The following DSCAML1 variants were observed in gnomAD, a reference collection of about 807,000 sequenced individuals.
DSCAML1 encodes the protein cell adhesion molecule DSCAML1.
A neutral mutation model predicts 200.5 loss-of-function variants in DSCAML1; 38 were observed. That is an observed-to-expected ratio of 0.19 (90% CI 0.15 to 0.25). The LOEUF is 0.25. DSCAML1 is among the 10% of genes least tolerant of loss of function. The pLI is 1.00. For missense variants in DSCAML1, 2,223 were observed against 2,858.8 expected (o/e 0.78, Z 5.07); for synonymous variants, 1,215 against 1,165.0 (o/e 1.04, Z -0.87).
intron 3 of DSCAML1, among the ~76,000 whole-genome samples, chr11:117,633,399 C>A (rs532383850): frequency 6.6e-6 from 1 of 152,282 alleles, no homozygotes; most frequent in South Asian, 2.1e-4. Flanking sequence ...CTAAATCCAG[C>A]CTTTGCTCCC....
In DSCAML1 at chr11:117,437,941, G is replaced by A. The variant is rs1401423884; in HGVS notation, c.4386C>T (p.Gly1462=). The change falls in exon 25 of 33, where the codon GGC becomes GGT. Residue 1462 remains glycine, a synonymous_variant. Coordinates refer to ENST00000651296, the MANE Select transcript of DSCAML1 (RefSeq NM_020693.4). The surrounding 1 kb of genome is among the most constrained non-coding windows in gnomAD (Gnocchi z 5.3). The part of the protein sequence containing the change: ...KVKLAAKNSV[G]SGRISEIIEA... ...CGATGATCTCGCTGATGCGCCCAGA[G>A]CCCACGCTGTTCTTGGCTGCCAGCT... is the stretch of plus-strand genomic sequence containing the variant. 1 of 1,613,552 alleles carries A rather than the reference G, an allele frequency of 6.2e-7. No homozygotes were observed. Among genetic ancestry groups the A allele is most frequent in the Admixed American group, 1.7e-5 (1 of 60,010 alleles).
chr11:117,472,020 C>T lies in DSCAML1; in HGVS notation c.2802G>A (p.Lys934=), dbSNP rs1167583813. Residue 934 remains lysine (K), a synonymous_variant, in exon 15 of 33, where the codon AAG becomes AAA. Transcript: ENST00000651296. ...YKNKSDSWDF[K]QSTRNISPTI... ...TGGGGGAGATGTTGCGTGTGGACTG[C>T]TTGAAGTCCCAGGAATCTGGAGAGA... 7 of 1,614,020 alleles carry T rather than the reference C, an allele frequency of 4.3e-6. 1 individual carries two copies. In the South Asian group the frequency reaches 6.6e-5, roughly 15 times the overall value.
At chr11:117,696,839 A>G (rs1352907402) in intron 3 of DSCAML1, among the ~76,000 whole-genome samples, 1 of 152,098 alleles carries the variant, frequency 6.6e-6, no homozygotes, top group Non-Finnish European at 1.5e-5. Flanking sequence ...AACATGTTCA[A>G]TCCCTGCCCA....
At chr11:117,707,156 C>G (rs1030676344) in intron 3 of DSCAML1, among the ~76,000 whole-genome samples, 1 of 152,154 alleles carries the variant, frequency 6.6e-6, no homozygotes, top group Non-Finnish European at 1.5e-5. Context: ...GACATGAATG[C>G]CCTCAGCCCA....
chr11:117,739,262 G>A (rs2054378959), intron 3 of DSCAML1, among the ~76,000 whole-genome samples: 1 of 152,254 alleles, frequency 6.6e-6, no homozygotes, highest in Non-Finnish European at 1.5e-5. Context: ...GATTTCCTAG[G>A]ATGGTGGTTC....
intron 3 of DSCAML1, among the ~76,000 whole-genome samples, chr11:117,605,866 C>T (rs960576759): frequency 1.3e-5 from 2 of 152,118 alleles, no homozygotes; most frequent in African/African-American, 4.8e-5. Flanking sequence ...GTCACTTAAT[C>T]TCCCTGAGCC....
In DSCAML1 at chr11:117,469,870, C is replaced by G; in HGVS notation, c.3024+40G>C. ...CGTCCTGGATTGAGGAGAGAGGAGGCAAGCAGACATTCCAGGGGAGATGCC... is the reference window on the plus strand; with the variant it reads ...CGTCCTGGATTGAGGAGAGAGGAGGGAAGCAGACATTCCAGGGGAGATGCC... On this transcript the variant is annotated intron_variant, in intron 16 of 32. Coordinates refer to ENST00000651296, the MANE Select transcript of DSCAML1 (RefSeq NM_020693.4). The surrounding 1 kb of genome is among the most constrained non-coding windows in gnomAD (Gnocchi z 4.1). 1 of 1,552,044 alleles carries G rather than the reference C, an allele frequency of 6.4e-7. No homozygotes were observed. Among genetic ancestry groups the G allele is most frequent in the Non-Finnish European group, 8.8e-7 (1 of 1,140,918 alleles).
chr11:117,612,443 T>A (rs1231962467), intron 3 of DSCAML1, among the ~76,000 whole-genome samples: 1 of 152,024 alleles, frequency 6.6e-6, no homozygotes, highest in Non-Finnish European at 1.5e-5. Context: ...TGCCTCCCCC[T>A]ACCCCCGCCC....
chr11:117,632,230 C>G (rs1024433890), intron 3 of DSCAML1, among the ~76,000 whole-genome samples: 3 of 152,196 alleles, frequency 2.0e-5, no homozygotes, highest in African/African-American at 7.2e-5. Context: ...CCTAAAGCCT[C>G]CTTATCAGAG....
intron 3 of DSCAML1, among the ~76,000 whole-genome samples, chr11:117,665,732 G>A (rs1411381255): frequency 6.6e-6 from 1 of 152,196 alleles, no homozygotes. Context: ...CATGGTACCT[G>A]AGCCCATAAT....
intron 3 of DSCAML1, among the ~76,000 whole-genome samples, chr11:117,672,710 C>CA (rs1407967444): frequency 2.0e-5 from 3 of 152,200 alleles, no homozygotes; most frequent in African/African-American, 7.2e-5. Context: ...ATTCTGGGTT[C>CA]TGTTTGATTC....
intron 3 of DSCAML1, among the ~76,000 whole-genome samples, chr11:117,745,210 G>A (rs115604657): frequency 0.015 from 1,682 of 113,702 alleles, 34 homozygotes; most frequent in African/African-American, 0.048. Flanking sequence ...ACGGAGGGCT[G>A]GTGAGGCTAC....
At chr11:117,623,675 T>C (rs1181172164) in intron 3 of DSCAML1, among the ~76,000 whole-genome samples, 2 of 152,232 alleles carry the variant, frequency 1.3e-5, no homozygotes, top group Non-Finnish European at 2.9e-5. Flanking sequence ...TAGTAACACC[T>C]ACACCTCATC....
chr11:117,581,452 G>A (rs919083066), intron 3 of DSCAML1, among the ~76,000 whole-genome samples: 30 of 151,876 alleles, frequency 2.0e-4, no homozygotes, highest in African/African-American at 6.3e-4. Flanking sequence ...CCCTGTTGTC[G>A]GCCCCTCTCC....
intron 4 of DSCAML1, among the ~76,000 whole-genome samples, chr11:117,528,687 C>A (rs2050021751): frequency 6.6e-6 from 1 of 152,194 alleles, no homozygotes; most frequent in Non-Finnish European, 1.5e-5. Flanking sequence ...GGATCCGATT[C>A]CAGTCCCTCA....
chr11:117,711,631 TC>T (rs2053851177), intron 3 of DSCAML1, among the ~76,000 whole-genome samples: 1 of 152,194 alleles, frequency 6.6e-6, no homozygotes, highest in Non-Finnish European at 1.5e-5. Flanking sequence ...TGCTGAAACT[TC>T]TTTACTCAAA....
intron 19 of DSCAML1, among the ~76,000 whole-genome samples, 199 bp from the exon 20 acceptor site, chr11:117,450,887 A>T (rs953975215): frequency 1.3e-5 from 2 of 152,164 alleles, no homozygotes; most frequent in Non-Finnish European, 2.9e-5. Flanking sequence ...TTGGAATTGT[A>T]ACGAAGTCTC....
chr11:117,739,016 G>A (rs933876062), intron 3 of DSCAML1, among the ~76,000 whole-genome samples: 1 of 152,208 alleles, frequency 6.6e-6, no homozygotes, highest in Non-Finnish European at 1.5e-5. Flanking sequence ...AACAACACAT[G>A]TAGTTTGTAG....
At chr11:117,635,008 G>A (rs1031942734) in intron 3 of DSCAML1, among the ~76,000 whole-genome samples, 2 of 152,114 alleles carry the variant, frequency 1.3e-5, no homozygotes, top group Non-Finnish European at 2.9e-5. Flanking sequence ...CCCTCAGCTG[G>A]CACCATCATG....
Sources: gnomAD v4.1 joint callset for allele counts (sites outside exome capture counted in the v4.1 genomes callset) on GRCh38, gnomAD v4.1.1 for gene constraint, Gnocchi (gnomAD v3.1) non-coding constraint, MANE v1.5 for transcripts, NCBI Gene and HGNC (gene_info 2026-07-23, HGNC 2026-07-21) for gene names.